Variants in KIAA0319 observed in about 807,000 individuals in gnomAD.
The protein encoded by KIAA0319 is dyslexia-associated protein KIAA0319.
A neutral mutation model predicts 108.4 loss-of-function variants in KIAA0319; 83 were observed. The observed-to-expected ratio is 0.77, with a 90% CI of 0.64 to 0.92. KIAA0319 has a LOEUF of 0.92. KIAA0319 is among the 40% of genes least tolerant of loss of function. The pLI is 0.00. For missense variants in KIAA0319, 1,195 were observed against 1,322.4 expected (o/e 0.90, Z 1.49); for synonymous variants, 484 against 510.4 (o/e 0.95, Z 0.70).
intron 4 of KIAA0319, among the ~76,000 whole-genome samples, chr6:24,584,244 C>A (rs941337356): frequency 3.3e-5 from 5 of 152,050 alleles, no homozygotes; most frequent in Non-Finnish European, 7.4e-5. Context: ...GCAGCAGGAA[C>A]ATTAACTCTT....
In KIAA0319 at chr6:24,602,745, G is replaced by A. The variant is rs1035760165; in HGVS notation, c.-105-1537C>T. Among the ~76,000 whole-genome samples, 6 of 152,196 alleles carry A rather than the reference G, an allele frequency of 3.9e-5. No homozygotes were observed. The South Asian group carries it at 1.2e-3, about 32-fold the overall frequency. On this transcript the variant is annotated intron_variant, in intron 1 of 20. Coordinates refer to ENST00000378214, the MANE Select transcript of KIAA0319 (RefSeq NM_014809.4). ...GAATCCGGGAGGCGGAGCTTGCAGT[G>A]AGCCGAGATCACGCCACTGCACTCC...
intron 2 of KIAA0319, 142 bp from the exon 3 acceptor site, chr6:24,596,760 G>T: frequency 2.8e-6 from 2 of 713,194 alleles, no homozygotes; most frequent in Non-Finnish European, 2.3e-6. Context: ...CACACAGAAA[G>T]ATCACAGCAA....
Position 24,563,473 on chromosome 6 carries a change from A to ACAC in KIAA0319, c.2474_2476dup (p.Gly825dup). On this transcript the variant is annotated inframe_insertion, in exon 16 of 21. Transcript: ENST00000378214. ...CTTCCGCTGCTCTGTCAGCTGCCCA[A>ACAC]CACCAACCTGCAGGGTCAGCTCCAC... is the stretch of plus-strand genomic sequence containing the variant. 1 of 1,613,282 alleles carries ACAC rather than the reference A, an allele frequency of 6.2e-7. No homozygotes were observed. The highest frequency in any genetic ancestry group is 8.5e-7 in the Non-Finnish European group (1 of 1,179,862).
chr6:24,600,425 A>G (rs1294821316), intron 2 of KIAA0319, among the ~76,000 whole-genome samples: 1 of 152,108 alleles, frequency 6.6e-6, no homozygotes, highest in Non-Finnish European at 1.5e-5. Context: ...GTGCTTCTGA[A>G]TCATCTCCAG....
rs1012550958 is a variant in KIAA0319 at position 24,545,779 on chromosome 6, G to A, written c.*1386C>T. On this transcript the variant is annotated 3_prime_UTR_variant, in exon 21 of 21. Transcript: ENST00000378214. ...AACCCATGGGGAAACATTTTCTCTG[G>A]CACTCCTGCCCTGGTGTTTAAATAC... 1.3e-5 allele frequency: 2 copies of A among 152,168 alleles called. No homozygotes were observed. Among genetic ancestry groups the A allele is most frequent in the African/African-American group, 4.8e-5 (2 of 41,416 alleles). 9.4% of individuals were successfully genotyped at this position (152,168 alleles called of 1,614,324 possible). A position where few individuals can be genotyped will look rare whatever the true frequency, so the allele number is the denominator to read the frequency against.
intron 1 of KIAA0319, among the ~76,000 whole-genome samples, chr6:24,619,155 TATAGGTTAGTATG>T (rs936223765): frequency 6.6e-6 from 1 of 152,130 alleles, no homozygotes; most frequent in Non-Finnish European, 1.5e-5. Flanking sequence ...GAGGCTGTAT[TATAGGTTAGTATG>T]AAGGATCTTT....
chr6:24,632,403 C>A (rs1582337040), intron 1 of KIAA0319, among the ~76,000 whole-genome samples: 2 of 151,772 alleles, frequency 1.3e-5, no homozygotes, highest in East Asian at 3.9e-4. Context: ...AGTTAAGTTT[C>A]CAGTTTCTCC....
At chr6:24,586,070 G>A (rs1251300939) in intron 4 of KIAA0319, among the ~76,000 whole-genome samples, 4 of 152,062 alleles carry the variant, frequency 2.6e-5, no homozygotes, top group Non-Finnish European at 4.4e-5. Flanking sequence ...GCCTGGCCAC[G>A]AAGCAAGACT....
In KIAA0319 at chr6:24,566,724, C is replaced by A; in HGVS notation, c.2165G>T (p.Arg722Leu). ...CACAAGAACATGTCTGCCACCAGCCCGGGCTCTGGGAGGACTATTATTTTC... is the reference window on the plus strand; with the variant it reads ...CACAAGAACATGTCTGCCACCAGCCAGGGCTCTGGGAGGACTATTATTTTC... Reference protein sequence around the residue: ...KKENNSPPRARAGGRHVLVLP... With the variant: ...KKENNSPPRALAGGRHVLVLP... The change falls in exon 14 of 21, where the codon CGG becomes CTG. Residue 722 changes from arginine (R) to leucine (L), a missense_variant. Coordinates refer to ENST00000378214, the MANE Select transcript of KIAA0319 (RefSeq NM_014809.4). 2.5e-6 allele frequency: 4 copies of A among 1,611,976 alleles called. No homozygotes were observed. Among genetic ancestry groups the A allele is most frequent in the East Asian group, 4.5e-5 (2 of 44,776 alleles).
At chr6:24,558,428 A>G (rs1164920609) in intron 17 of KIAA0319, among the ~76,000 whole-genome samples, 2 of 152,288 alleles carry the variant, frequency 1.3e-5, no homozygotes, top group Non-Finnish European at 2.9e-5. Context: ...ATTAAATTTT[A>G]CTGCCCAAAC....
rs762986199 is a variant in KIAA0319, at chr6:24,568,868, G to C, written c.2053C>G (p.Gln685Glu). The change falls in exon 13 of 21, where the codon CAG (glutamine) becomes GAG (glutamate). Residue 685 changes from glutamine to glutamate, a missense_variant. Coordinates refer to ENST00000378214, the MANE Select transcript of KIAA0319 (RefSeq NM_014809.4). ...AAACGGAAGTGGTAGGTCCCCACCT[G>C]GAGACCAGTCACAGTGGCTATTGCT... ...DKAIATVTGL[Q>E]VGTYHFRLTV... 2 of 1,614,130 alleles carry C rather than the reference G, an allele frequency of 1.2e-6. No individual in the cohort carries two copies. Among genetic ancestry groups the C allele is most frequent in the Non-Finnish European group, 1.7e-6 (2 of 1,179,998 alleles).
chr6:24,581,147 T>C, intron 6 of KIAA0319, 134 bp from the exon 7 acceptor site: 3 of 653,332 alleles, frequency 4.6e-6, no homozygotes, highest in South Asian at 1.7e-5. Flanking sequence ...ACAGTCTCAT[T>C]TGGATCTGTC....
At chr6:24,561,949 C>T (rs1763163751) in intron 16 of KIAA0319, among the ~76,000 whole-genome samples, 1 of 152,180 alleles carries the variant, frequency 6.6e-6, no homozygotes, top group Admixed American at 6.5e-5. Context: ...GTGATCTGCC[C>T]ACCTCGGCCT....
At chr6:24,644,950 C>T (rs1173329824) in intron 1 of KIAA0319, among the ~76,000 whole-genome samples, 1 of 152,066 alleles carries the variant, frequency 6.6e-6, no homozygotes, top group African/African-American at 2.4e-5. Flanking sequence ...CTAAAAAAAG[C>T]ACAAAATAAA....
chr6:24,599,520 A>G lies in KIAA0319; in HGVS notation c.55+1529T>C. 1 of 569,268 alleles carries G rather than the reference A, an allele frequency of 1.8e-6. No homozygotes were observed. The highest frequency in any genetic ancestry group is 3.4e-6 in the Non-Finnish European group (1 of 296,554). 35.3% of individuals were successfully genotyped at this position (569,268 alleles called of 1,614,324 possible). ...GCCAACCCTGGACATCGAGATTGTC[A>G]CCTACAGGAAGGTGCTGGAGGGCGA... On this transcript the variant is annotated intron_variant, in intron 2 of 20. Transcript: ENST00000378214. The surrounding 1 kb of genome is among the most constrained non-coding windows in gnomAD (Gnocchi z 4.1).
intron 20 of KIAA0319, among the ~76,000 whole-genome samples, chr6:24,548,332 G>A (rs1260774948): frequency 6.6e-6 from 1 of 152,106 alleles, no homozygotes; most frequent in Non-Finnish European, 1.5e-5. Flanking sequence ...ATAGAGAGGG[G>A]GTCTTGCCAA....
intron 11 of KIAA0319, 90 bp from the exon 12 acceptor site, chr6:24,570,125 C>T: frequency 7.9e-7 from 1 of 1,273,526 alleles, no homozygotes; most frequent in Admixed American, 2.0e-5. Context: ...CATTACTCAT[C>T]TTCAGACCAG....
intron 11 of KIAA0319, among the ~76,000 whole-genome samples, chr6:24,572,004 T>G (rs901849832): frequency 1.3e-5 from 2 of 152,250 alleles, no homozygotes; most frequent in Admixed American, 1.3e-4. Flanking sequence ...AATAGAACTT[T>G]TTATGTATTA....
At chr6:24,602,954 A>G (rs1374685397) in intron 1 of KIAA0319, among the ~76,000 whole-genome samples, 1 of 152,222 alleles carries the variant, frequency 6.6e-6, no homozygotes, top group Non-Finnish European at 1.5e-5. Flanking sequence ...TTCATGTGTC[A>G]GTTATATGTT....
Sources: gnomAD v4.1 joint callset for allele counts (sites outside exome capture counted in the v4.1 genomes callset) on GRCh38, gnomAD v4.1.1 for gene constraint, Gnocchi (gnomAD v3.1) non-coding constraint, MANE v1.5 for transcripts, NCBI Gene and HGNC (gene_info 2026-07-23, HGNC 2026-07-21) for gene names.